PHACTR1: variants seen among roughly 807,000 people sequenced by gnomAD.
PHACTR1 encodes phosphatase and actin regulator 1, also known as RPEL repeat containing 1.
PHACTR1 carries 16 observed loss-of-function variants against 69.2 expected under a neutral mutation model. The ratio of observed to expected loss-of-function variants is 0.23; its 90% CI spans 0.16 to 0.35. The LOEUF is 0.35. Among genes scored for constraint, PHACTR1 ranks in the 10% least tolerant of loss-of-function variants. The pLI, the probability that PHACTR1 is intolerant of heterozygous loss-of-function variation, is 1.00. For synonymous variants in PHACTR1, 312 were observed against 284.5 expected (o/e 1.10, Z -0.97); for missense variants, 510 against 734.7 (o/e 0.69, Z 3.54).
chr6:13,260,340 G>C (rs891564069), intron 10 of PHACTR1, among the ~76,000 whole-genome samples: 5 of 152,150 alleles, frequency 3.3e-5, no homozygotes, highest in Non-Finnish European at 7.3e-5. Context: ...GTGCTACTGG[G>C]TTGTCCTACT....
At chr6:12,961,503 G>C (rs764194675) in intron 4 of PHACTR1, among the ~76,000 whole-genome samples, 1 of 152,152 alleles carries the variant, frequency 6.6e-6, no homozygotes, top group Non-Finnish European at 1.5e-5. Flanking sequence ...TCAGGTTATT[G>C]AAGAGCAACA....
chr6:13,084,342 G>GA (rs1227432993), intron 5 of PHACTR1, among the ~76,000 whole-genome samples: 2 of 132,972 alleles, frequency 1.5e-5, no homozygotes, highest in African/African-American at 2.8e-5. Context: ...ATGGACACAG[G>GA]AAGGGGAACA....
At chr6:13,210,144 A>G (rs1010418938) in intron 8 of PHACTR1, among the ~76,000 whole-genome samples, 25 of 152,130 alleles carry the variant, frequency 1.6e-4, no homozygotes, top group Non-Finnish European at 5.9e-5. Flanking sequence ...AGTAGCTGGG[A>G]TCACGGGTGC....
At chr6:13,272,695 G>A in intron 10 of PHACTR1, 165 bp from the exon 11 acceptor site, 2 of 1,554,528 alleles carry the variant, frequency 1.3e-6, no homozygotes, top group Non-Finnish European at 1.7e-6. Flanking sequence ...GCTTGAAATT[G>A]AGGAACTGAG....
intron 4 of PHACTR1, among the ~76,000 whole-genome samples, chr6:12,927,452 T>C (rs183368177): frequency 3.3e-5 from 5 of 152,222 alleles, no homozygotes; most frequent in Non-Finnish European, 2.9e-5. Flanking sequence ...TCTCTTATAT[T>C]GTAGGAACAA....
At chr6:12,792,464 CAAAAAAAAAAAAAAAAAA>C (rs60942588) in intron 4 of PHACTR1, among the ~76,000 whole-genome samples, 2 of 31,362 alleles carry the variant, frequency 6.4e-5, no homozygotes, top group East Asian at 3.7e-3. Context: ...AACTCCATGT[CAAAAAAAAAAAAAAAAAA>C]AAAAAAAAAA....
chr6:13,216,365 G>T (rs981027903), intron 8 of PHACTR1, among the ~76,000 whole-genome samples: 3 of 152,136 alleles, frequency 2.0e-5, no homozygotes, highest in African/African-American at 7.2e-5. Context: ...TATTGTATTG[G>T]CTTATGTCTG....
At chr6:13,208,751 T>TA (rs964590851) in intron 8 of PHACTR1, among the ~76,000 whole-genome samples, 7 of 151,762 alleles carry the variant, frequency 4.6e-5, no homozygotes, top group Non-Finnish European at 8.8e-5. Flanking sequence ...TGCTTCCACT[T>TA]AAAAAAAACA....
intron 4 of PHACTR1, among the ~76,000 whole-genome samples, chr6:13,042,066 G>T (rs993308168): frequency 6.6e-6 from 1 of 152,076 alleles, no homozygotes; most frequent in Admixed American, 6.5e-5. Context: ...GAAAATAAAG[G>T]GTTCAACAGA....
chr6:12,772,875 T>C (rs563299333), intron 4 of PHACTR1, among the ~76,000 whole-genome samples: 4 of 152,334 alleles, frequency 2.6e-5, no homozygotes, highest in Non-Finnish European at 4.4e-5. Flanking sequence ...GGATGTGTCG[T>C]TGAATCGCAG....
intron 5 of PHACTR1, among the ~76,000 whole-genome samples, chr6:13,071,351 C>G (rs1809493714): frequency 6.6e-6 from 1 of 152,046 alleles, no homozygotes; most frequent in South Asian, 2.1e-4. Context: ...TTGCTTGAAC[C>G]TGGGAGGCAG....
chr6:12,749,392 C>A (rs1766244829), intron 3 of PHACTR1: 1 of 567,214 alleles, frequency 1.8e-6, no homozygotes, highest in African/African-American at 1.8e-5. Context: ...CAGGGATAGC[C>A]TGATCTCTGC....
At chr6:13,099,521 C>T (rs1814806862) in intron 5 of PHACTR1, among the ~76,000 whole-genome samples, 2 of 152,186 alleles carry the variant, frequency 1.3e-5, no homozygotes, top group African/African-American at 4.8e-5. Flanking sequence ...TGGGGTGCAG[C>T]TTGCTTGTGA....
At chr6:13,112,022 C>A (rs1240870007) in intron 5 of PHACTR1, among the ~76,000 whole-genome samples, 2 of 152,140 alleles carry the variant, frequency 1.3e-5, no homozygotes, top group African/African-American at 4.8e-5. Context: ...ATCCTCTCCG[C>A]CTTCCCATCC....
chr6:13,001,003 C>T (rs989380123), intron 4 of PHACTR1, among the ~76,000 whole-genome samples: 4 of 152,254 alleles, frequency 2.6e-5, no homozygotes, highest in African/African-American at 9.6e-5. Context: ...AGGATTAACC[C>T]CTCTGAAAGG....
chr6:12,910,777 G>A (rs892454257), intron 4 of PHACTR1, among the ~76,000 whole-genome samples: 2 of 152,162 alleles, frequency 1.3e-5, no homozygotes, highest in Non-Finnish European at 2.9e-5. Context: ...GAAAACTAAG[G>A]TGCAAAGACA....
chr6:13,176,509 C>A (rs968744249), intron 6 of PHACTR1, among the ~76,000 whole-genome samples: 3 of 152,110 alleles, frequency 2.0e-5, no homozygotes, highest in Admixed American at 2.0e-4. Flanking sequence ...AGAGTATGTT[C>A]TTTTATTAGG....
At chr6:13,010,385 C>T (rs948483515) in intron 4 of PHACTR1, among the ~76,000 whole-genome samples, 2 of 152,304 alleles carry the variant, frequency 1.3e-5, no homozygotes, top group Admixed American at 1.3e-4. Flanking sequence ...GCCTCAGTGC[C>T]CCAAAGTGCT....
chr6:13,217,251 G>A (rs1767823696), intron 8 of PHACTR1, among the ~76,000 whole-genome samples: 1 of 152,188 alleles, frequency 6.6e-6, no homozygotes, highest in South Asian at 2.1e-4. Flanking sequence ...TGCCTGGGAG[G>A]TGGGCACCTA....
Sources: allele counts gnomAD v4.1 joint callset (sites outside exome capture counted in the v4.1 genomes callset), GRCh38; gene constraint gnomAD v4.1.1; transcripts MANE v1.5; gene names NCBI Gene and HGNC (gene_info 2026-07-23, HGNC 2026-07-21).